Variants in TBX10 observed in about 807,000 individuals in gnomAD.
TBX10 encodes the protein T-box transcription factor TBX10.
A neutral mutation model predicts 32.4 loss-of-function variants in TBX10; 26 were observed. The observed-to-expected ratio is 0.80, with a 90% CI of 0.59 to 1.11. The LOEUF (loss-of-function observed/expected upper bound fraction) is 1.11. Ranked by LOEUF, TBX10 falls within the 50% of genes most tolerant of loss-of-function variation. The pLI is 0.00. For synonymous variants in TBX10, 195 were observed against 203.1 expected (o/e 0.96, Z 0.34); for missense variants, 490 against 494.5 (o/e 0.99, Z 0.09).
upstream of TBX10, among the ~76,000 whole-genome samples, chr11:67,640,937 G>A (rs1014534154): frequency 1.3e-5 from 2 of 152,164 alleles, no homozygotes; most frequent in African/African-American, 2.4e-5. Context: ...TCTGGGGGAT[G>A]TAAAAGGAGG....
intron 1 of TBX10, among the ~76,000 whole-genome samples, chr11:67,639,052 G>C (rs1287565455): frequency 6.6e-6 from 1 of 152,210 alleles, no homozygotes. Flanking sequence ...CTCTGGTGGG[G>C]GGAGCCTGTC....
rs774444028 is a variant in TBX10 at position 67,635,002 on chromosome 11, G to A, written c.269C>T (p.Ala90Val). The A allele has an allele frequency of 5.0e-6, 8 of 1,613,444 alleles. No individual in the cohort carries two copies. The East Asian group carries it at 8.9e-5, about 18-fold the overall frequency. The change falls in exon 2 of 8, where the codon GCA (alanine) becomes GTA (valine). Residue 90 changes from alanine (A) to valine (V), a missense_variant. By Grantham distance (64) the Ala-to-Val change is moderately conservative. Transcript: ENST00000335385. ...QLGTEMIVTKAGRRMFPPFQV... is the reference protein window; with the variant it reads ...QLGTEMIVTKVGRRMFPPFQV... ...CCGCCCCCGCTGCTCACACCTGCCTGCCTTGGTGACGATCATCTCAGTGCC... is the reference window on the plus strand; with the variant it reads ...CCGCCCCCGCTGCTCACACCTGCCTACCTTGGTGACGATCATCTCAGTGCC...
chr11:67,634,439 C>T, intron 3 of TBX10, 79 bp from the exon 4 acceptor site: 1 of 1,535,900 alleles, frequency 6.5e-7, no homozygotes. Context: ...GAAGGGGCTG[C>T]TGCCGACTCC....
At chr11:67,632,208 C>T in intron 7 of TBX10, 110 bp downstream of exon 7, 1 of 1,271,054 alleles carries the variant, frequency 7.9e-7, no homozygotes, top group Non-Finnish European at 1.1e-6. Flanking sequence ...ACACAGGGGC[C>T]CTGTGGGTTC....
upstream of TBX10, among the ~76,000 whole-genome samples, chr11:67,641,591 C>T (rs929234379): frequency 3.3e-5 from 5 of 152,196 alleles, no homozygotes; most frequent in South Asian, 2.1e-4. Flanking sequence ...CAGGAGGTGG[C>T]GTGGCAGCCG....
At chr11:67,638,831 G>A (rs2514027) in intron 1 of TBX10, among the ~76,000 whole-genome samples, 29,526 of 152,088 alleles carry the variant, frequency 0.19, 2,927 homozygotes, top group Non-Finnish European at 0.21. Context: ...CAGAAGGGTA[G>A]CTGGTTGTCG....
At chr11:67,638,586 G>A (rs1270896606) in intron 1 of TBX10, among the ~76,000 whole-genome samples, 2 of 152,224 alleles carry the variant, frequency 1.3e-5, no homozygotes, top group African/African-American at 2.4e-5. Context: ...GAGGTACCAG[G>A]TGGACGGCAC....
rs996411693 is a variant in TBX10, at chr11:67,638,315, A to G, written c.7+1151T>C. On this transcript the variant is annotated intron_variant, in intron 1 of 7. Transcript: ENST00000335385. ...ATTAAAATGTTTTAAATGGAAAAAAATCCTGAGAAACAGAACTATTATTTT... is the reference window on the plus strand; with the variant it reads ...ATTAAAATGTTTTAAATGGAAAAAAGTCCTGAGAAACAGAACTATTATTTT... Among the ~76,000 whole-genome samples the G allele has an allele frequency of 5.3e-5, 8 of 152,218 alleles. 1 individual carries two copies. In the South Asian group the frequency reaches 1.4e-3, roughly 28 times the overall value.
Position 67,634,825 on chromosome 11 carries a change from T to C in TBX10, c.368A>G (p.Lys123Arg). The change falls in exon 3 of 8, where the codon AAG becomes AGG. Residue 123 changes from lysine to arginine, a missense_variant. Lys to Arg is a conservative substitution (Grantham distance 26, BLOSUM62 2). Transcript: ENST00000335385. Reference protein sequence around the residue: ...LLMDFIPLDDKRYRYAFHSSA... With the variant: ...LLMDFIPLDDRRYRYAFHSSA... The stretch of plus-strand genomic sequence containing the variant: ...AGGCCGGTCCCCGCACCTGTATCTC[T>C]TGTCGTCCAGGGGGATGAAGTCCAT... 6.2e-7 allele frequency: 1 copy of C among 1,613,284 alleles called. No homozygotes were observed. The highest frequency in any genetic ancestry group is 8.5e-7 in the Non-Finnish European group (1 of 1,179,874).
In TBX10 at chr11:67,635,328, G is replaced by A. The variant is rs1855312367; in HGVS notation, c.8-65C>T. The A allele has an allele frequency of 3.7e-6, 6 of 1,604,282 alleles. No individual in the cohort carries two copies. The South Asian group carries it at 5.6e-5, about 15-fold the overall frequency. ...CCAGCCAGCTCTTATCCTTCAGGCT[G>A]CACCTATATGCCTCTTCCTCCAGGA... On this transcript the variant is annotated intron_variant, in intron 1 of 7. Coordinates refer to ENST00000335385, the MANE Select transcript of TBX10 (RefSeq NM_005995.5).
In TBX10 at chr11:67,631,581, G is replaced by C; in HGVS notation, c.*24C>G. The C allele has an allele frequency of 1.3e-6, 2 of 1,580,308 alleles. No homozygotes were observed. Among genetic ancestry groups the C allele is most frequent in the South Asian group, 2.3e-5 (2 of 87,334 alleles). ...CCCGGTGTAAGGTCCAGGGTAGCAGGGCTTCCCCCCAGGGCTTCTGGCATC... is the reference window on the plus strand; with the variant it reads ...CCCGGTGTAAGGTCCAGGGTAGCAGCGCTTCCCCCCAGGGCTTCTGGCATC... On this transcript the variant is annotated 3_prime_UTR_variant, in exon 8 of 8. Coordinates refer to ENST00000335385, the MANE Select transcript of TBX10 (RefSeq NM_005995.5).
chr11:67,632,546 G>A, intron 6 of TBX10, 57 bp downstream of exon 6: 3 of 1,601,726 alleles, frequency 1.9e-6, no homozygotes, highest in Non-Finnish European at 2.6e-6. Flanking sequence ...CAGGAACTGA[G>A]GCCTTAGGAT....
intron 1 of TBX10, 104 bp from the exon 2 acceptor site, chr11:67,635,367 T>A: frequency 6.7e-7 from 1 of 1,494,626 alleles, no homozygotes; most frequent in Non-Finnish European, 9.1e-7. Flanking sequence ...CCTCCCTGAC[T>A]GCCAGGGCTG....
chr11:67,634,322 T>C lies in TBX10; in HGVS notation c.416A>G (p.Lys139Arg), dbSNP rs1855288719. The change falls in exon 4 of 8, where the codon AAG becomes AGG. Residue 139 changes from lysine to arginine, a missense_variant. By Grantham distance (26) the Lys-to-Arg change is conservative. This residue lies in a region of TBX10 where 307 missense variants were observed against 294.9 expected (regional missense o/e 1.04). Transcript: ENST00000335385. ...GCGGCCAGGTGTGGCTGGGTCTGCC[T>C]TGCCCGCCACCAGCCAGGCCGAGCT... is the stretch of plus-strand genomic sequence containing the variant. ...FHSSAWLVAG[K>R]ADPATPGRVH... 6.2e-7 allele frequency: 1 copy of C among 1,607,484 alleles called. No individual in the cohort carries two copies. The highest frequency in any genetic ancestry group is 1.7e-5 in the Admixed American group (1 of 59,994).
intron 4 of TBX10, 110 bp downstream of exon 4, chr11:67,634,079 T>A: frequency 7.1e-7 from 1 of 1,410,944 alleles, no homozygotes. Context: ...CCGCCCTGCC[T>A]TGACCATCAG....
chr11:67,634,406 C>T (rs759518912), intron 3 of TBX10, 46 bp from the exon 4 acceptor site: 46 of 1,596,192 alleles, frequency 2.9e-5, no homozygotes, highest in African/African-American at 4.0e-5. Flanking sequence ...ACCAGAGTCA[C>T]GCCTGAACAA....
At chr11:67,639,298 G>A (rs541719027) in intron 1 of TBX10, among the ~76,000 whole-genome samples, 168 bp downstream of exon 1, 16 of 152,264 alleles carry the variant, frequency 1.1e-4, no homozygotes, top group African/African-American at 3.4e-4. Flanking sequence ...TTGGGCAGCC[G>A]TGAGCCCTGT....
chr11:67,633,202 C>T, intron 4 of TBX10, 99 bp from the exon 5 acceptor site: 4 of 1,439,064 alleles, frequency 2.8e-6, no homozygotes, highest in South Asian at 2.6e-5. Flanking sequence ...CTGCCCTGGG[C>T]CTGCCACCCT....
In TBX10 at chr11:67,631,820, C is replaced by T. The variant is rs755072160; in HGVS notation, c.943G>A (p.Val315Ile). Reference protein sequence around the residue: ...LHHQLLPPPEVLLAPATYRPV... With the variant: ...LHHQLLPPPEILLAPATYRPV... ...CTGTAGGTGGCCGGGGCCAGCAGGA[C>T]CTCAGGTGGGGGCAGCAGCTGATGA... Residue 315 changes from valine (V) to isoleucine (I), a missense_variant, in exon 8 of 8, where the codon GTC (valine) becomes ATC (isoleucine). Physicochemically the swap from Val to Ile is conservative, Grantham distance 29 (BLOSUM62 3). This residue lies in a region of TBX10 where 177 missense variants were observed against 176.6 expected (regional missense o/e 1.00). Coordinates refer to ENST00000335385, the MANE Select transcript of TBX10 (RefSeq NM_005995.5). The T allele has an allele frequency of 6.3e-7, 1 of 1,586,782 alleles. No individual in the cohort carries two copies. Among genetic ancestry groups the T allele is most frequent in the South Asian group, 1.2e-5 (1 of 86,940 alleles).
Sources: gnomAD v4.1 joint callset for allele counts (sites outside exome capture counted in the v4.1 genomes callset) on GRCh38, gnomAD v4.1.1 for gene constraint, gnomAD v4.1.1 regional missense constraint, MANE v1.5 for transcripts, NCBI Gene and HGNC (gene_info 2026-07-23, HGNC 2026-07-21) for gene names.